Variants in PLEKHM3 observed in about 807,000 individuals in gnomAD.
PLEKHM3 encodes the protein pleckstrin homology domain-containing family M member 3.
A neutral mutation model predicts 81.8 loss-of-function variants in PLEKHM3; 45 were observed. That is an observed-to-expected ratio of 0.55 (90% confidence interval 0.43 to 0.71). The LOEUF is 0.71. Among genes scored for constraint, PLEKHM3 ranks in the 30% least tolerant of loss-of-function variants. The pLI, the probability that PLEKHM3 is intolerant of heterozygous loss-of-function variation, is 0.00. For synonymous variants in PLEKHM3, 352 were observed against 356.4 expected (o/e 0.99, Z 0.14); for missense variants, 788 against 924.3 (o/e 0.85, Z 1.91).
chr2:207,900,271 C>T (rs1053068170), intron 6 of PLEKHM3: 3 of 152,146 alleles, frequency 2.0e-5, no homozygotes, highest in African/African-American at 7.2e-5. Context: ...CCATATGAGG[C>T]CTGTTCATGT....
chr2:207,877,313 C>T (rs78851324), intron 6 of PLEKHM3, among the ~76,000 whole-genome samples: 18 of 152,248 alleles, frequency 1.2e-4, no homozygotes, highest in South Asian at 6.2e-4. Flanking sequence ...CTTCTCTGCA[C>T]CACCTTGATC....
At chr2:208,021,866 A>G (rs1202791642) in intron 1 of PLEKHM3, among the ~76,000 whole-genome samples, 3 of 152,212 alleles carry the variant, frequency 2.0e-5, no homozygotes, top group African/African-American at 7.2e-5. Context: ...ACACTGCTAA[A>G]CTTCTTCATT....
chr2:207,910,040 T>C (rs1159249672), intron 5 of PLEKHM3, among the ~76,000 whole-genome samples: 2 of 152,014 alleles, frequency 1.3e-5, no homozygotes, highest in Middle Eastern at 3.2e-3. Context: ...TCCCGGAAAG[T>C]AGGAAAGTCG....
At chr2:207,968,325 C>T (rs1339162934) in intron 3 of PLEKHM3, among the ~76,000 whole-genome samples, 3 of 151,770 alleles carry the variant, frequency 2.0e-5, no homozygotes, top group Non-Finnish European at 4.4e-5. Context: ...TAGCAAAAGC[C>T]AAGGAGATTT....
At chr2:208,015,973 C>T (rs1254394779) in intron 1 of PLEKHM3, among the ~76,000 whole-genome samples, 1 of 152,108 alleles carries the variant, frequency 6.6e-6, no homozygotes, top group Non-Finnish European at 1.5e-5. Flanking sequence ...GCAGGTGGAT[C>T]ACCTGAGGTG....
chr2:207,898,049 G>A (rs1688282327), intron 6 of PLEKHM3, among the ~76,000 whole-genome samples: 1 of 152,102 alleles, frequency 6.6e-6, no homozygotes, highest in Non-Finnish European at 1.5e-5. Context: ...GTATCTCAAG[G>A]GTTTGGGATG....
chr2:207,885,822 T>G (rs1039255372), intron 6 of PLEKHM3, among the ~76,000 whole-genome samples: 1 of 152,228 alleles, frequency 6.6e-6, no homozygotes, highest in Non-Finnish European at 1.5e-5. Context: ...CCTAGGGGAA[T>G]AGACATAAGA....
intron 3 of PLEKHM3, among the ~76,000 whole-genome samples, chr2:207,954,472 G>C (rs1690440082): frequency 6.6e-6 from 1 of 152,164 alleles, no homozygotes; most frequent in African/African-American, 2.4e-5. Flanking sequence ...GACAAGAACA[G>C]ACAGATGCAT....
intron 5 of PLEKHM3, among the ~76,000 whole-genome samples, chr2:207,913,976 C>T: frequency 6.6e-6 from 1 of 152,108 alleles, no homozygotes. Flanking sequence ...TGCGTGCGCA[C>T]ACGCGCACAC....
At chr2:207,990,874 T>C (rs1427701133) in intron 2 of PLEKHM3, among the ~76,000 whole-genome samples, 1 of 152,296 alleles carries the variant, frequency 6.6e-6, no homozygotes, top group Admixed American at 6.5e-5. Flanking sequence ...TTCATAAACC[T>C]AGGAAAAAGA....
intron 3 of PLEKHM3, among the ~76,000 whole-genome samples, chr2:207,955,050 A>T (rs1236744375): frequency 6.6e-6 from 1 of 152,218 alleles, no homozygotes; most frequent in Non-Finnish European, 1.5e-5. Flanking sequence ...TAAAGCACGT[A>T]AGTAAATATG....
chr2:207,903,542 A>T (rs559691319), intron 6 of PLEKHM3, among the ~76,000 whole-genome samples: 2 of 152,352 alleles, frequency 1.3e-5, no homozygotes, highest in South Asian at 4.1e-4. Context: ...GTTTTGTCAC[A>T]AGAGCACAGG....
intron 3 of PLEKHM3, among the ~76,000 whole-genome samples, chr2:207,960,821 A>G (rs1051150472): frequency 3.9e-5 from 6 of 152,180 alleles, no homozygotes; most frequent in Non-Finnish European, 7.3e-5. Context: ...GAGAAACATC[A>G]TTTTCCCAAA....
chr2:208,011,064 C>CAAAAAAAAAAAAAAAAAA, intron 1 of PLEKHM3, among the ~76,000 whole-genome samples: 1 of 65,058 alleles, frequency 1.5e-5, no homozygotes, highest in African/African-American at 3.9e-5. Flanking sequence ...TGGCCATAAT[C>CAAAAAAAAAAAAAAAAAA]AAAAAAAAAA....
chr2:207,925,176 A>G (rs1292396526), intron 5 of PLEKHM3, among the ~76,000 whole-genome samples: 1 of 151,578 alleles, frequency 6.6e-6, no homozygotes, highest in Non-Finnish European at 1.5e-5. Context: ...AGGGCAGGTA[A>G]AAAAATTAGA....
intron 2 of PLEKHM3, among the ~76,000 whole-genome samples, chr2:207,995,964 T>A (rs894082916): frequency 6.6e-6 from 1 of 152,162 alleles, no homozygotes; most frequent in African/African-American, 2.4e-5. Flanking sequence ...TAAAATTATC[T>A]CAAATGATTG....
In PLEKHM3 at chr2:207,977,361, A is replaced by G. The variant is rs774355443; in HGVS notation, c.836T>C (p.Val279Ala). 1.2e-6 allele frequency: 2 copies of G among 1,614,110 alleles called. No individual in the cohort carries two copies. The highest frequency in any genetic ancestry group is 2.2e-5 in the South Asian group (2 of 91,076). The change falls in exon 3 of 8, where the codon GTT becomes GCT. Residue 279 changes from valine to alanine, a missense_variant. Val to Ala is a moderately conservative substitution (Grantham distance 64). Coordinates refer to ENST00000427836, the MANE Select transcript of PLEKHM3 (RefSeq NM_001080475.3). Reference sequence around the variant, plus strand: ...CTGTAGCTGAGTGTTGTCATACAAAACAGTATCCACCATCCTGGCCTCCAG... The same window carrying G: ...CTGTAGCTGAGTGTTGTCATACAAAGCAGTATCCACCATCCTGGCCTCCAG... ...GNLEARMVDTVLYDNTQLQLK... is the reference protein window; with the variant it reads ...GNLEARMVDTALYDNTQLQLK...
At chr2:208,012,618 T>C (rs553368616) in intron 1 of PLEKHM3, among the ~76,000 whole-genome samples, 1 of 152,152 alleles carries the variant, frequency 6.6e-6, no homozygotes, top group African/African-American at 2.4e-5. Context: ...GTGAGAGAAG[T>C]GTGGCAATGG....
chr2:207,893,682 A>G (rs902055975), intron 6 of PLEKHM3, among the ~76,000 whole-genome samples: 41 of 152,252 alleles, frequency 2.7e-4, no homozygotes, highest in African/African-American at 9.6e-4. Context: ...ACAGAGAGAG[A>G]GAGAAAGAGA....
Sources: allele counts gnomAD v4.1 joint callset (sites outside exome capture counted in the v4.1 genomes callset), GRCh38; gene constraint gnomAD v4.1.1; transcripts MANE v1.5; gene names NCBI Gene and HGNC (gene_info 2026-07-23, HGNC 2026-07-21).